Variants in DLG2 observed in about 807,000 individuals in gnomAD.
DLG2 encodes the protein disks large homolog 2.
A neutral mutation model predicts 132.5 loss-of-function variants in DLG2; 45 were observed. The ratio of observed to expected loss-of-function variants is 0.34; its 90% CI spans 0.27 to 0.44. DLG2 has a LOEUF of 0.44. Among genes scored for constraint, DLG2 ranks in the 20% least tolerant of loss-of-function variants. DLG2 has a pLI of 1.00. For missense variants in DLG2, 1,045 were observed against 1,196.9 expected (o/e 0.87, Z 1.87); for synonymous variants, 424 against 419.6 (o/e 1.01, Z -0.13).
intron 4 of DLG2, among the ~76,000 whole-genome samples, chr11:85,161,454 A>T (rs2152473175): frequency 6.6e-6 from 1 of 152,288 alleles, no homozygotes; most frequent in South Asian, 2.1e-4. Flanking sequence ...TCAGCCAGCT[A>T]CCTGGTGTCA....
chr11:84,760,551 G>A (rs1270736045), intron 6 of DLG2, among the ~76,000 whole-genome samples: 1 of 152,198 alleles, frequency 6.6e-6, no homozygotes, highest in Non-Finnish European at 1.5e-5. Context: ...GACCTGTGCT[G>A]CTTCTGCAGC....
chr11:85,085,587 A>G (rs1322314519), intron 6 of DLG2, among the ~76,000 whole-genome samples: 1 of 152,150 alleles, frequency 6.6e-6, no homozygotes, highest in African/African-American at 2.4e-5. Flanking sequence ...TGTTTATTTT[A>G]AAAGTAGGAA....
At chr11:84,761,573 GACTA>G (rs1468233796) in intron 6 of DLG2, among the ~76,000 whole-genome samples, 3 of 152,268 alleles carry the variant, frequency 2.0e-5, no homozygotes, top group East Asian at 1.9e-4. Flanking sequence ...GGAAAGACTA[GACTA>G]ACTAAGTCTT....
chr11:84,339,518 T>C (rs2098504331), intron 7 of DLG2, among the ~76,000 whole-genome samples: 1 of 152,240 alleles, frequency 6.6e-6, no homozygotes, highest in Non-Finnish European at 1.5e-5. Context: ...GAGCAGAGAA[T>C]TTTAAGACGG....
intron 6 of DLG2, among the ~76,000 whole-genome samples, chr11:84,659,322 C>T (rs545910561): frequency 6.6e-6 from 1 of 152,092 alleles, no homozygotes; most frequent in Admixed American, 6.6e-5. Context: ...CTCTATTCTG[C>T]CCCTCAATTC....
intron 8 of DLG2, among the ~76,000 whole-genome samples, chr11:84,179,303 A>T (rs1288229351): frequency 3.9e-5 from 6 of 152,156 alleles, no homozygotes; most frequent in Admixed American, 1.3e-4. Flanking sequence ...AGCTAAACAA[A>T]CTGAAAAATC....
intron 15 of DLG2, among the ~76,000 whole-genome samples, chr11:83,897,610 G>T (rs1195448362): frequency 6.6e-6 from 1 of 152,142 alleles, no homozygotes; most frequent in Non-Finnish European, 1.5e-5. Flanking sequence ...GCTTGATAAA[G>T]TGGAGGCTGA....
At chr11:84,319,603 A>T (rs1303025857) in intron 7 of DLG2, among the ~76,000 whole-genome samples, 1 of 152,196 alleles carries the variant, frequency 6.6e-6, no homozygotes, top group African/African-American at 2.4e-5. Flanking sequence ...AGCAAGGCAG[A>T]AACAATTTTC....
At chr11:85,423,994 C>T (rs1409788687) in intron 3 of DLG2, among the ~76,000 whole-genome samples, 1 of 152,164 alleles carries the variant, frequency 6.6e-6, no homozygotes. Context: ...AGAGATTTCC[C>T]CCATGGCCAT....
chr11:84,192,156 T>TCCAC (rs1471591496), intron 8 of DLG2, among the ~76,000 whole-genome samples: 3 of 152,086 alleles, frequency 2.0e-5, no homozygotes, highest in Non-Finnish European at 4.4e-5. Flanking sequence ...ACAAATATTC[T>TCCAC]CCACCCCAAG....
chr11:83,947,936 C>CCATTAT (rs2084468740), intron 14 of DLG2, among the ~76,000 whole-genome samples: 1 of 152,104 alleles, frequency 6.6e-6, no homozygotes, highest in South Asian at 2.1e-4. Flanking sequence ...GATATAATGG[C>CCATTAT]ATCTCTCCGT....
chr11:84,057,132 G>A (rs926347290), intron 11 of DLG2, among the ~76,000 whole-genome samples: 3 of 152,050 alleles, frequency 2.0e-5, no homozygotes, highest in South Asian at 4.1e-4. Flanking sequence ...GCCCCACTCC[G>A]GGCTCAAGGA....
chr11:84,136,037 A>G (rs1490233211), intron 9 of DLG2, among the ~76,000 whole-genome samples: 1 of 152,110 alleles, frequency 6.6e-6, no homozygotes, highest in Non-Finnish European at 1.5e-5. Flanking sequence ...GCAAACAGTG[A>G]GGGTTGTTTT....
Position 84,095,900 on chromosome 11 carries a change from A to G in DLG2, c.749+3023T>C, listed in dbSNP as rs1269207747. 3.9e-5 allele frequency among the ~76,000 whole-genome samples: 6 copies of G among 152,200 alleles called. No homozygotes were observed. In the East Asian group the frequency reaches 1.2e-3, roughly 29 times the overall value. On this transcript the variant is annotated intron_variant, in intron 10 of 27. Transcript: ENST00000376104. The stretch of plus-strand genomic sequence containing the variant: ...CTTAGTAGGCAATATTCATATACAC[A>G]GTCATAGGCCATGGCCCTGGCTCCA...
At chr11:85,537,513 A>T (rs2075675504) in intron 3 of DLG2, among the ~76,000 whole-genome samples, 1 of 148,612 alleles carries the variant, frequency 6.7e-6, no homozygotes, top group African/African-American at 2.6e-5. Context: ...AGGAGGGATG[A>T]ACAACTCCAG....
chr11:84,872,217 A>G (rs952564712), intron 6 of DLG2, among the ~76,000 whole-genome samples: 1 of 152,186 alleles, frequency 6.6e-6, no homozygotes, highest in African/African-American at 2.4e-5. Flanking sequence ...CAGGAATGGA[A>G]GTAGATTCCT....
intron 2 of DLG2, among the ~76,000 whole-genome samples, chr11:85,611,001 T>G (rs2080959829): frequency 6.6e-6 from 1 of 152,152 alleles, no homozygotes; most frequent in African/African-American, 2.4e-5. Context: ...AGAAACAGCC[T>G]TCAAAACCTT....
intron 6 of DLG2, among the ~76,000 whole-genome samples, chr11:85,051,134 G>GAAA (rs1445584904): frequency 1.3e-5 from 2 of 152,152 alleles, no homozygotes; most frequent in African/African-American, 4.8e-5. Flanking sequence ...GGTAAATGAA[G>GAAA]AGGGTTGTTT....
intron 18 of DLG2, among the ~76,000 whole-genome samples, chr11:83,670,607 TA>T (rs951259217): frequency 1.0e-4 from 15 of 145,928 alleles, no homozygotes; most frequent in Admixed American, 1.4e-4. Context: ...GACATTTCTT[TA>T]AAAAAAAAAA....
Sources: gnomAD v4.1 joint callset for allele counts (sites outside exome capture counted in the v4.1 genomes callset) on GRCh38, gnomAD v4.1.1 for gene constraint, MANE v1.5 for transcripts, NCBI Gene and HGNC (gene_info 2026-07-23, HGNC 2026-07-21) for gene names.